ZNF521: variants seen among roughly 807,000 people sequenced by gnomAD.
ZNF521 encodes LYST-interacting protein 3.
ZNF521 carries 14 observed loss-of-function variants against 105.5 expected under a neutral mutation model. The observed-to-expected ratio is 0.13, with a 90% CI of 0.09 to 0.21. ZNF521 has a LOEUF of 0.21. Among genes scored for constraint, ZNF521 ranks in the 10% least tolerant of loss-of-function variants. ZNF521 has a pLI of 1.00. For missense variants in ZNF521, 1,233 were observed against 1,629.7 expected (o/e 0.76, Z 4.19); for synonymous variants, 635 against 606.0 (o/e 1.05, Z -0.70).
intron 5 of ZNF521, among the ~76,000 whole-genome samples, chr18:25,102,140 C>T (rs1419225671): frequency 2.6e-5 from 4 of 151,970 alleles, no homozygotes; most frequent in African/African-American, 9.7e-5. Context: ...AATTAATATC[C>T]CTCCAAAAAC....
intron 2 of ZNF521, among the ~76,000 whole-genome samples, chr18:25,329,106 C>A: frequency 6.6e-6 from 1 of 152,184 alleles, no homozygotes; most frequent in Non-Finnish European, 1.5e-5. Flanking sequence ...CCTGGAGATA[C>A]AACGTCTAAA....
At chr18:25,155,002 C>G (rs1189121153) in intron 5 of ZNF521, among the ~76,000 whole-genome samples, 2 of 152,166 alleles carry the variant, frequency 1.3e-5, no homozygotes, top group African/African-American at 4.8e-5. Context: ...AACCTACATT[C>G]TCACCAACAG....
Position 25,131,459 on chromosome 18 carries a change from C to T in ZNF521, c.3659-39378G>A, listed in dbSNP as rs372077417. Among the ~76,000 whole-genome samples, 175 of 152,276 alleles carry T rather than the reference C, an allele frequency of 1.1e-3. 3 individuals carry two copies. In the South Asian group the frequency reaches 0.034, roughly 30 times the overall value. On this transcript the variant is annotated intron_variant, in intron 5 of 7. Transcript: ENST00000361524. ...ATTAGTTAGGGAGTTCTCTTCCTAA[C>T]GAAGTGTCCCCTAAGCTTCCCAGGC...
intron 4 of ZNF521, among the ~76,000 whole-genome samples, chr18:25,221,857 T>C (rs1200448619): frequency 6.6e-6 from 1 of 152,172 alleles, no homozygotes; most frequent in Non-Finnish European, 1.5e-5. Context: ...TGACATATTA[T>C]TTTTAGGCTT....
intron 3 of ZNF521, among the ~76,000 whole-genome samples, chr18:25,280,726 ATTC>A (rs1910313469): frequency 6.6e-6 from 1 of 152,224 alleles, no homozygotes; most frequent in Non-Finnish European, 1.5e-5. Flanking sequence ...TTTCTGATCA[ATTC>A]TTTTCTCTGT....
In ZNF521 at chr18:25,227,672, C is replaced by T. The variant is rs569354941; in HGVS notation, c.246G>A (p.Pro82=). 24 of 1,613,072 alleles carry T rather than the reference C, an allele frequency of 1.5e-5. 1 individual carries two copies. Among genetic ancestry groups the T allele is most frequent in the East Asian group, 6.7e-5 (3 of 44,840 alleles). The change falls in exon 4 of 8, where the codon CCG becomes CCA. Residue 82 remains proline, a synonymous_variant. Transcript: ENST00000361524. This position sits in a 1 kb window ranked among gnomAD's most constrained non-coding sequence, Gnocchi z 5.7. ...GTGAGGAAGCTGGCCAAGAGCAAGT[C>T]GGATCATCTTCAACATCCACTCCAT... ...LTDGVDVEDD[P]TCSWPASSPS... is the part of the protein sequence containing the mutation.
chr18:25,226,458 T>C lies in ZNF521; in HGVS notation c.1460A>G (p.Asn487Ser), dbSNP rs762675641. 25 of 1,614,046 alleles carry C rather than the reference T, an allele frequency of 1.5e-5. No individual in the cohort carries two copies. Among genetic ancestry groups the C allele is most frequent in the Non-Finnish European group, 2.1e-5 (25 of 1,180,028 alleles). The change falls in exon 4 of 8, where the codon AAC becomes AGC. Residue 487 changes from asparagine (N) to serine (S), a missense_variant. Transcript: ENST00000361524. The surrounding 1 kb of genome is among the most constrained non-coding windows in gnomAD (Gnocchi z 4.1). ...YQCNFCSEVV[N>S]DLNTLQEHIR... ...GTGTTCCTGAAGAGTGTTGAGGTCG[T>C]TGACAACTTCGGAACAGAAGTTACA... is the stretch of plus-strand genomic sequence containing the variant.
chr18:25,327,694 C>T (rs1285131827), intron 2 of ZNF521: 2 of 518,794 alleles, frequency 3.9e-6, no homozygotes, highest in South Asian at 2.8e-5. Context: ...ACTTGAAATC[C>T]CATAAGACGA....
intron 5 of ZNF521, among the ~76,000 whole-genome samples, chr18:25,186,495 C>T (rs182394964): frequency 1.1e-3 from 168 of 152,256 alleles, no homozygotes; most frequent in Non-Finnish European, 1.9e-3. Context: ...CATCTGATGA[C>T]GGCTTGAATT....
At chr18:25,300,618 T>C (rs1229298242) in intron 3 of ZNF521, among the ~76,000 whole-genome samples, 1 of 152,190 alleles carries the variant, frequency 6.6e-6, no homozygotes, top group Non-Finnish European at 1.5e-5. Context: ...CTTTGCACGT[T>C]ATAATATTAG....
chr18:25,270,029 C>A (rs538317108), intron 3 of ZNF521, among the ~76,000 whole-genome samples: 1 of 152,140 alleles, frequency 6.6e-6, no homozygotes, highest in Admixed American at 6.5e-5. Context: ...AAAAGATAGA[C>A]CACTACTCAG....
At chr18:25,091,920 T>G (rs746646480) in intron 6 of ZNF521, 30 bp downstream of exon 6, 2 of 1,611,516 alleles carry the variant, frequency 1.2e-6, no homozygotes, top group Non-Finnish European at 1.7e-6. Flanking sequence ...CATCAGCCTC[T>G]CCTGTGTCTT....
At chr18:25,098,037 G>A (rs994538179) in intron 5 of ZNF521, among the ~76,000 whole-genome samples, 4 of 113,128 alleles carry the variant, frequency 3.5e-5, no homozygotes, top group Admixed American at 1.6e-4. Flanking sequence ...AGGTCCAGGT[G>A]GGTAGGGAGA....
chr18:25,284,683 C>A (rs890125199), intron 3 of ZNF521, among the ~76,000 whole-genome samples: 5 of 151,516 alleles, frequency 3.3e-5, no homozygotes, highest in African/African-American at 1.2e-4. Context: ...GCATGACAGG[C>A]AGATGTAATA....
intron 3 of ZNF521, among the ~76,000 whole-genome samples, chr18:25,245,994 C>T (rs1600207706): frequency 6.6e-6 from 1 of 152,020 alleles, no homozygotes; most frequent in African/African-American, 2.4e-5. Flanking sequence ...CAGAGTGAGA[C>T]CCTTCTCTTA....
chr18:25,240,311 C>T (rs1316728011), intron 3 of ZNF521, among the ~76,000 whole-genome samples: 1 of 152,150 alleles, frequency 6.6e-6, no homozygotes, highest in Admixed American at 6.5e-5. Flanking sequence ...CTCCTCCCCA[C>T]TCTTAGGTGA....
intron 5 of ZNF521, among the ~76,000 whole-genome samples, chr18:25,139,900 A>T (rs1405923186): frequency 2.6e-5 from 4 of 152,228 alleles, no homozygotes; most frequent in Admixed American, 2.6e-4. Flanking sequence ...TTATAAAAGA[A>T]ATCCCGAATA....
intron 5 of ZNF521, among the ~76,000 whole-genome samples, chr18:25,116,054 G>T (rs2034294602): frequency 1.3e-5 from 2 of 152,178 alleles, no homozygotes. Flanking sequence ...GGAACTTTCA[G>T]TGACCAGGGT....
Position 25,068,058 on chromosome 18 carries a change from C to A in ZNF521, c.3907-5317G>T, listed in dbSNP as rs547955978. Among the ~76,000 whole-genome samples the A allele has an allele frequency of 3.9e-5, 6 of 152,066 alleles. No individual in the cohort carries two copies. The East Asian group carries it at 1.2e-3, about 29-fold the overall frequency. Reference sequence around the variant, plus strand: ...TTTAAAAAGGAATGAAAAAAAATAACAAGCTTTCCACCACTAATTCACTAT... The same window carrying A: ...TTTAAAAAGGAATGAAAAAAAATAAAAAGCTTTCCACCACTAATTCACTAT... On this transcript the variant is annotated intron_variant, in intron 7 of 7. Transcript: ENST00000361524.
Sources: gnomAD v4.1 joint callset for allele counts (sites outside exome capture counted in the v4.1 genomes callset) on GRCh38, gnomAD v4.1.1 for gene constraint, Gnocchi (gnomAD v3.1) non-coding constraint, MANE v1.5 for transcripts, NCBI Gene and HGNC (gene_info 2026-07-23, HGNC 2026-07-21) for gene names.